Variants in RORA observed in about 807,000 individuals in gnomAD.
The protein encoded by RORA is RAR related orphan receptor A.
RORA carries 7 observed loss-of-function variants against 69.5 expected under a neutral mutation model. That is an observed-to-expected ratio of 0.10 (90% CI 0.06 to 0.19). RORA has a LOEUF of 0.19. Ranked by LOEUF, RORA falls within the 10% of genes least tolerant of loss-of-function variation. RORA has a pLI of 1.00. For missense variants in RORA, 457 were observed against 663.0 expected (o/e 0.69, Z 3.41); for synonymous variants, 261 against 240.8 (o/e 1.08, Z -0.78).
chr15:60,857,344 G>A (rs2073391063), intron 1 of RORA, among the ~76,000 whole-genome samples: 1 of 152,140 alleles, frequency 6.6e-6, no homozygotes, highest in South Asian at 2.1e-4. Flanking sequence ...AAGTTCCCAC[G>A]AAGAAGCCCG....
intron 1 of RORA, among the ~76,000 whole-genome samples, chr15:60,708,631 C>G (rs1426737706): frequency 6.6e-6 from 1 of 152,122 alleles, no homozygotes; most frequent in Non-Finnish European, 1.5e-5. Context: ...GCATTTAACT[C>G]CCCAGGCTCT....
chr15:60,627,500 T>A lies in RORA; in HGVS notation c.196+51157A>T, dbSNP rs374778785. ...GGGTGGAGAATGATGGGGAGGAGTA[T>A]GGGGGATAATGCTCAGAGGCCCTGT... On this transcript the variant is annotated intron_variant, in intron 2 of 10. Transcript: ENST00000335670. 47 of 1,526,640 alleles carry A rather than the reference T, an allele frequency of 3.1e-5. No individual in the cohort carries two copies. The East Asian group carries it at 3.4e-4, about 11-fold the overall frequency. The allele number at this position is 1,526,640 out of a possible 1,614,324, so 94.6% of individuals were successfully genotyped here.
In RORA at chr15:60,643,569, C is replaced by T. The variant is rs1367694258; in HGVS notation, c.196+35088G>A. On this transcript the variant is annotated intron_variant, in intron 2 of 10. Coordinates refer to ENST00000335670, the MANE Select transcript of RORA (RefSeq NM_134261.3). ...GAGTTGTATTAGATCTCCTTTTAAT[C>T]TGCAGCCTAGGCACTATGTTATTTT... Among the ~76,000 whole-genome samples, 4 of 152,188 alleles carry T rather than the reference C, an allele frequency of 2.6e-5. No individual in the cohort carries two copies. The East Asian group carries it at 7.7e-4, about 29-fold the overall frequency.
chr15:61,181,670 T>C (rs2079687034), intron 1 of RORA, among the ~76,000 whole-genome samples: 1 of 141,410 alleles, frequency 7.1e-6, no homozygotes, highest in African/African-American at 2.6e-5. Flanking sequence ...ATGCCTAGGA[T>C]TAGCTTTGGC....
At chr15:60,713,156 A>G (rs1241422815) in intron 1 of RORA, among the ~76,000 whole-genome samples, 2 of 152,220 alleles carry the variant, frequency 1.3e-5, no homozygotes, top group Non-Finnish European at 2.9e-5. Flanking sequence ...TTCTTCCAAA[A>G]GAAAACAAAT....
intron 2 of RORA, among the ~76,000 whole-genome samples, chr15:60,573,187 C>T (rs2067930572): frequency 6.6e-6 from 1 of 152,284 alleles, no homozygotes; most frequent in South Asian, 2.1e-4. Flanking sequence ...GATTGAACCG[C>T]GGCACCACAG....
intron 2 of RORA, among the ~76,000 whole-genome samples, chr15:60,567,118 G>C (rs1318016124): frequency 6.6e-6 from 1 of 150,912 alleles, no homozygotes; most frequent in Non-Finnish European, 1.5e-5. Flanking sequence ...TAGCCTATGA[G>C]TTTTTAAAAT....
chr15:60,613,968 T>A (rs2069163283), intron 2 of RORA, among the ~76,000 whole-genome samples: 1 of 151,152 alleles, frequency 6.6e-6, no homozygotes, highest in African/African-American at 2.4e-5. Flanking sequence ...AATACAACAT[T>A]GAGTCTATGC....
At chr15:60,666,400 G>C (rs1453250149) in intron 2 of RORA, among the ~76,000 whole-genome samples, 1 of 133,320 alleles carries the variant, frequency 7.5e-6, no homozygotes, top group Non-Finnish European at 1.6e-5. Flanking sequence ...TTTCCAGGCT[G>C]TTCTTGAACT....
intron 1 of RORA, among the ~76,000 whole-genome samples, chr15:60,850,121 C>T (rs976874871): frequency 3.3e-5 from 5 of 152,128 alleles, no homozygotes; most frequent in South Asian, 2.1e-4. Flanking sequence ...ATCAACAGTC[C>T]GTGTTCATGG....
intron 2 of RORA, among the ~76,000 whole-genome samples, chr15:60,646,271 G>T (rs74784588): frequency 7.2e-5 from 11 of 152,180 alleles, no homozygotes; most frequent in South Asian, 4.1e-4. Flanking sequence ...CTTCCAACTC[G>T]CAAACTCTTA....
chr15:60,554,059 A>C (rs2067293814), intron 2 of RORA, among the ~76,000 whole-genome samples: 2 of 152,208 alleles, frequency 1.3e-5, no homozygotes, highest in Non-Finnish European at 1.5e-5. Flanking sequence ...CACTGAATAT[A>C]AGCGGGTAGA....
chr15:60,602,287 G>A (rs2068834487), intron 2 of RORA, among the ~76,000 whole-genome samples: 1 of 152,168 alleles, frequency 6.6e-6, no homozygotes. Context: ...TTAACTGTCT[G>A]TTTCTGACAG....
At chr15:60,644,061 A>C (rs868517335) in intron 2 of RORA, among the ~76,000 whole-genome samples, 4 of 152,212 alleles carry the variant, frequency 2.6e-5, no homozygotes, top group Middle Eastern at 3.4e-3. Context: ...AAAAAGATTG[A>C]TTTTGCAATA....
chr15:60,672,672 T>C (rs1426742489), intron 2 of RORA, among the ~76,000 whole-genome samples: 1 of 152,224 alleles, frequency 6.6e-6, no homozygotes, highest in African/African-American at 2.4e-5. Context: ...CTAAGCTACT[T>C]GTCTCTCATG....
In RORA at chr15:60,592,294, G is replaced by A. The variant is rs975527770; in HGVS notation, c.197-60443C>T. The A allele has an allele frequency of 4.7e-5, 44 of 931,440 alleles. 1 individual carries two copies. Among genetic ancestry groups the A allele is most frequent in the Non-Finnish European group, 5.8e-5 (41 of 706,848 alleles). The allele number at this position is 931,440 out of a possible 1,614,324, so 57.7% of individuals were successfully genotyped here. On this transcript the variant is annotated intron_variant, in intron 2 of 10. Coordinates refer to ENST00000335670, the MANE Select transcript of RORA (RefSeq NM_134261.3). ...CGAGCCCCGGGCAGTACGTGCGTTC[G>A]GGCAGGCGCGCCCACCCCTCCCCCT...
chr15:60,826,766 C>CCTCT (rs572975247), intron 1 of RORA, among the ~76,000 whole-genome samples: 5 of 126,088 alleles, frequency 4.0e-5, no homozygotes, highest in African/African-American at 1.9e-4. Context: ...TCTCTCTCTC[C>CCTCT]CTCTCTCTCT....
chr15:61,083,615 T>C (rs548797870), intron 1 of RORA, among the ~76,000 whole-genome samples: 1 of 152,100 alleles, frequency 6.6e-6, no homozygotes, highest in African/African-American at 2.4e-5. Flanking sequence ...GCTGTGTTTG[T>C]TCATCTGGAA....
At chr15:60,614,992 C>T (rs2069195358) in intron 2 of RORA, 1 of 1,613,704 alleles carries the variant, frequency 6.2e-7, no homozygotes, top group Non-Finnish European at 8.5e-7. Context: ...AAGTTGAGAC[C>T]AGAACAGCCT....
Sources: gnomAD v4.1 joint callset for allele counts (sites outside exome capture counted in the v4.1 genomes callset) on GRCh38, gnomAD v4.1.1 for gene constraint, MANE v1.5 for transcripts, NCBI Gene and HGNC (gene_info 2026-07-23, HGNC 2026-07-21) for gene names.